Variants in ZNF311 observed in about 807,000 individuals in gnomAD.
ZNF311 encodes the protein zinc finger protein zfp31.
ZNF311 carries 14 observed loss-of-function variants against 22.7 expected under a neutral mutation model. The ratio of observed to expected loss-of-function variants is 0.62; its 90% confidence interval spans 0.41 to 0.96. The LOEUF (loss-of-function observed/expected upper bound fraction) is 0.96, where lower values mean the gene tolerates loss of function less well. Among genes scored for constraint, ZNF311 ranks in the 40% least tolerant of loss-of-function variants. The pLI is 0.00. For synonymous variants in ZNF311, 250 were observed against 275.3 expected (o/e 0.91, Z 0.91); for missense variants, 731 against 799.0 (o/e 0.91, Z 1.03).
intron 6 of ZNF311, among the ~76,000 whole-genome samples, chr6:28,998,284 T>C (rs1779921387): frequency 6.6e-6 from 1 of 151,624 alleles, no homozygotes; most frequent in Non-Finnish European, 1.5e-5. Flanking sequence ...TTCTCCGGCC[T>C]CAGACCTCCC....
intron 6 of ZNF311, among the ~76,000 whole-genome samples, chr6:28,997,810 T>C (rs560598853): frequency 6.6e-6 from 1 of 152,322 alleles, no homozygotes; most frequent in South Asian, 2.1e-4. Flanking sequence ...ACTTCACTTC[T>C]CCTTTGCCTC....
chr6:29,001,965 G>T (rs954529840), intron 3 of ZNF311, among the ~76,000 whole-genome samples: 1 of 152,160 alleles, frequency 6.6e-6, no homozygotes, highest in Non-Finnish European at 1.5e-5. Context: ...TACCCTTAGA[G>T]AAACTTTGAC....
At position 28,995,991 on chromosome 6, in the gene ZNF311, C is replaced by A; in HGVS notation, c.1011G>T (p.Gly337=). Residue 337 remains glycine (G), a synonymous_variant, in exon 7 of 7, where the codon GGG becomes GGT. Coordinates refer to ENST00000377179, the MANE Select transcript of ZNF311 (RefSeq NM_001382360.1). This position sits in a 1 kb window ranked among gnomAD's most constrained non-coding sequence, Gnocchi z 4.7. The part of the protein sequence containing the change: ...GEKPHECRDC[G]KAFKTRNRLC... ...GACGGTTCCTGGTCTTGAAGGCCTT[C>A]CCACAGTCCCTGCACTCGTGAGGCT... is the stretch of plus-strand genomic sequence containing the variant. The A allele has an allele frequency of 6.2e-7, 1 of 1,613,670 alleles. No homozygotes were observed. Among genetic ancestry groups the A allele is most frequent in the Non-Finnish European group, 8.5e-7 (1 of 1,180,024 alleles).
At position 29,004,154 on chromosome 6, in the gene ZNF311, C is replaced by G; in HGVS notation, c.-200G>C. 1 of 1,466,050 alleles carries G rather than the reference C, an allele frequency of 6.8e-7. No individual in the cohort carries two copies. The highest frequency in any genetic ancestry group is 9.0e-7 in the Non-Finnish European group (1 of 1,113,596). The allele number at this position is 1,466,050 out of a possible 1,614,324, so 90.8% of individuals were successfully genotyped here. On this transcript the variant is annotated 5_prime_UTR_variant, in exon 2 of 7. Transcript: ENST00000377179. ...ACTGTTTGGCTTAATGTGTCAAACA[C>G]TGCCCTGGATTTGGGGTTCATTAGC...
rs902748954 is a variant in ZNF311, at chr6:29,005,054, T to C, written c.-307A>G. The C allele has an allele frequency of 1.3e-5, 2 of 152,172 alleles. No individual in the cohort carries two copies. The highest frequency in any genetic ancestry group is 4.8e-5 in the African/African-American group (2 of 41,442). The allele number at this position is 152,172 out of a possible 1,614,324, so 9.4% of individuals were successfully genotyped here. A position where few individuals can be genotyped will look rare whatever the true frequency, so the allele number is the denominator to read the frequency against. ...TTTTCCTCTATAGCACTTTATAATT[T>C]TCCAGTATGGTGCATAAGTTACTTA... On this transcript the variant is annotated 5_prime_UTR_variant, in exon 1 of 7. Coordinates refer to ENST00000377179, the MANE Select transcript of ZNF311 (RefSeq NM_001382360.1).
In ZNF311 at chr6:28,995,738, T is replaced by A; in HGVS notation, c.1264A>T (p.Arg422Trp). Residue 422 changes from arginine to tryptophan, a missense_variant, in exon 7 of 7, where the codon AGG becomes TGG. Transcript: ENST00000377179. This position sits in a 1 kb window ranked among gnomAD's most constrained non-coding sequence, Gnocchi z 4.7. ...AGGTCTGAGCTCCGACTGAAGGCCCTTCCACACTTGCTGCACTCATAAGGT... is the reference window on the plus strand; with the variant it reads ...AGGTCTGAGCTCCGACTGAAGGCCCATCCACACTTGCTGCACTCATAAGGT... Reference protein sequence around the residue: ...ERPYECSKCGRAFSRSSDLSK... With the variant: ...ERPYECSKCGWAFSRSSDLSK... The A allele has an allele frequency of 6.2e-7, 1 of 1,613,906 alleles. No homozygotes were observed. The highest frequency in any genetic ancestry group is 8.5e-7 in the Non-Finnish European group (1 of 1,180,034).
At position 28,995,298 on chromosome 6, in the gene ZNF311, T is replaced by C; in HGVS notation, c.1704A>G (p.Ser568=). 6 of 1,613,968 alleles carry C rather than the reference T, an allele frequency of 3.7e-6. No homozygotes were observed. The highest frequency in any genetic ancestry group is 5.1e-6 in the Non-Finnish European group (6 of 1,180,018). Residue 568 remains serine, a synonymous_variant, in exon 7 of 7, where the codon TCA becomes TCG. Transcript: ENST00000377179. This position sits in a 1 kb window ranked among gnomAD's most constrained non-coding sequence, Gnocchi z 4.7. ...EVCGMAFHHS[S]VLRQHKRIHT... Reference sequence around the variant, plus strand: ...GGATTCTTTTGTGCTGCCTCAGGACTGAACTATGATGGAAGGCCATTCCAC... The same window carrying C: ...GGATTCTTTTGTGCTGCCTCAGGACCGAACTATGATGGAAGGCCATTCCAC...
At position 29,003,988 on chromosome 6, in the gene ZNF311, T is replaced by C. The variant is rs751128652; in HGVS notation, c.-34A>G. ...TCAGGTTTCTTTAACAGTCTTCCAC[T>C]GCTGTCCTGGTTTCTTCCTACTGGT... is the stretch of plus-strand genomic sequence containing the variant. On this transcript the variant is annotated 5_prime_UTR_variant, in exon 2 of 7. Coordinates refer to ENST00000377179, the MANE Select transcript of ZNF311 (RefSeq NM_001382360.1). 10 of 1,612,842 alleles carry C rather than the reference T, an allele frequency of 6.2e-6. No homozygotes were observed. The South Asian group carries it at 9.9e-5, about 16-fold the overall frequency.
intron 3 of ZNF311, among the ~76,000 whole-genome samples, chr6:29,001,700 A>G (rs1780469288): frequency 6.6e-6 from 1 of 152,248 alleles, no homozygotes; most frequent in Admixed American, 6.5e-5. Context: ...GTAAATATCC[A>G]TATACCAATC....
At chr6:28,996,998 C>T (rs1239781986) in intron 6 of ZNF311, among the ~76,000 whole-genome samples, 3 of 151,692 alleles carry the variant, frequency 2.0e-5, no homozygotes, top group African/African-American at 4.9e-5. Context: ...GCTTTGCTCC[C>T]AAGGGTGGGC....
At chr6:29,001,330 C>T (rs1780419559) in intron 3 of ZNF311, among the ~76,000 whole-genome samples, 1 of 152,096 alleles carries the variant, frequency 6.6e-6, no homozygotes, top group African/African-American at 2.4e-5. Context: ...TACGAAAAAC[C>T]GATTTAGAAC....
At position 28,996,473 on chromosome 6, in the gene ZNF311, G is replaced by T; in HGVS notation, c.529C>A (p.Arg177=). Residue 177 remains arginine, a synonymous_variant, in exon 7 of 7, where the codon CGG becomes AGG. Transcript: ENST00000377179. ...KFNSLLKVDS[R]DPKVREVCVQ... ...CAAACTTCTCTAACCTTAGGATCCC[G>T]GGAATCAACTTTTAGGAGACTGTTA... 1.2e-6 allele frequency: 2 copies of T among 1,608,540 alleles called. No homozygotes were observed. The highest frequency in any genetic ancestry group is 1.7e-6 in the Non-Finnish European group (2 of 1,179,996).
Position 28,995,754 on chromosome 6 carries a change from CTCATAAGG to C in ZNF311, c.1240_1247del (p.Pro414ValfsTer51). Reference sequence around the variant, plus strand: ...TGAAGGCCCTTCCACACTTGCTGCACTCATAAGGTCGTTCCCCAGTGTGGATTCTTATG... The same window carrying C: ...TGAAGGCCCTTCCACACTTGCTGCACTCGTTCCCCAGTGTGGATTCTTATG... On this transcript the variant is annotated frameshift_variant, in exon 7 of 7. Coordinates refer to ENST00000377179, the MANE Select transcript of ZNF311 (RefSeq NM_001382360.1). LOFTEE classifies it low-confidence loss of function (END_TRUNC). This position sits in a 1 kb window ranked among gnomAD's most constrained non-coding sequence, Gnocchi z 4.7. The C allele has an allele frequency of 6.2e-7, 1 of 1,613,760 alleles. No homozygotes were observed. Among genetic ancestry groups the C allele is most frequent in the Non-Finnish European group, 8.5e-7 (1 of 1,179,988 alleles).
chr6:29,001,394 G>A (rs954269341), intron 3 of ZNF311, among the ~76,000 whole-genome samples: 3 of 152,086 alleles, frequency 2.0e-5, no homozygotes, highest in African/African-American at 7.2e-5. Context: ...TTTAGTTTCA[G>A]CTACTTATAG....
At chr6:29,001,451 C>A (rs1426828575) in intron 3 of ZNF311, among the ~76,000 whole-genome samples, 1 of 152,182 alleles carries the variant, frequency 6.6e-6, no homozygotes, top group African/African-American at 2.4e-5. Flanking sequence ...TGGTTCCATA[C>A]AGTTTTTCCA....
intron 6 of ZNF311, among the ~76,000 whole-genome samples, chr6:28,996,881 T>C (rs141672478): frequency 1.9e-3 from 288 of 152,354 alleles, no homozygotes; most frequent in Middle Eastern, 0.014. Context: ...TCTTCAACTC[T>C]GTCTCCCTTG....
chr6:29,001,210 C>G (rs1780404263), intron 3 of ZNF311, among the ~76,000 whole-genome samples: 1 of 152,188 alleles, frequency 6.6e-6, no homozygotes, highest in Non-Finnish European at 1.5e-5. Flanking sequence ...AAGTCCAAAT[C>G]TGAATAATTG....
Position 28,995,553 on chromosome 6 carries a change from G to C in ZNF311, c.1449C>G (p.Asn483Lys). ...CTCGTTCATGAGCCCTGCGCTTACA[G>C]TTATGACGAAAGGCTTTCCCACACT... ...CEECGKAFRH[N>K]CKRRAHEREH... Residue 483 changes from asparagine (N) to lysine (K), a missense_variant, in exon 7 of 7, where the codon AAC (asparagine) becomes AAG (lysine). Asn to Lys is a moderately conservative substitution (Grantham distance 94). Transcript: ENST00000377179. This position sits in a 1 kb window ranked among gnomAD's most constrained non-coding sequence, Gnocchi z 4.7. 1.2e-6 allele frequency: 2 copies of C among 1,613,688 alleles called. No individual in the cohort carries two copies.
rs958598048 is a variant in ZNF311 at position 29,005,199 on chromosome 6, G to A, written c.-452C>T. Reference sequence around the variant, plus strand: ...TTGTATTCTCAACGCCTAAAACAGCGCTTGCAATAGTATGTGCTGGATTAA... The same window carrying A: ...TTGTATTCTCAACGCCTAAAACAGCACTTGCAATAGTATGTGCTGGATTAA... On this transcript the variant is annotated 5_prime_UTR_variant, in exon 1 of 7. Transcript: ENST00000377179. The A allele has an allele frequency of 1.3e-5, 2 of 151,620 alleles. No individual in the cohort carries two copies. The highest frequency in any genetic ancestry group is 2.4e-5 in the African/African-American group (1 of 41,202). The allele number at this position is 151,620 out of a possible 1,614,324, so 9.4% of individuals were successfully genotyped here.
Sources: allele counts gnomAD v4.1 joint callset (sites outside exome capture counted in the v4.1 genomes callset), GRCh38; gene constraint gnomAD v4.1.1; non-coding constraint Gnocchi (gnomAD v3.1); transcripts MANE v1.5; gene names NCBI Gene and HGNC (gene_info 2026-07-23, HGNC 2026-07-21).